The following RAB6A variants were observed in gnomAD, a reference collection of about 807,000 sequenced individuals.
RAB6A encodes the protein RAB6A, member RAS oncogene family, also known as ras-related protein Rab-6A.
A neutral mutation model predicts 32.3 loss-of-function variants in RAB6A; 8 were observed. The observed-to-expected ratio is 0.25, with a 90% CI of 0.15 to 0.45. The LOEUF is 0.45. RAB6A is among the 20% of genes least tolerant of loss of function. The pLI is 1.00. For missense variants in RAB6A, 104 were observed against 249.4 expected, an observed-to-expected ratio of 0.42 and a Z score of 3.93; for synonymous variants, 73 against 82.1, an observed-to-expected ratio of 0.89 and a Z score of 0.60.
intron 1 of RAB6A, among the ~76,000 whole-genome samples, chr11:73,733,768 A>C (rs1325799498): frequency 1.3e-5 from 2 of 152,030 alleles, no homozygotes; most frequent in African/African-American, 4.8e-5. Context: ...TGGTAGAATT[A>C]ATGCTGATAG....
At chr11:73,727,751 C>T (rs930502818) in intron 2 of RAB6A, among the ~76,000 whole-genome samples, 2 of 152,024 alleles carry the variant, frequency 1.3e-5, no homozygotes, top group African/African-American at 2.4e-5. Context: ...TTTAAGATTA[C>T]CCTAAAAAGG....
intron 6 of RAB6A, among the ~76,000 whole-genome samples, chr11:73,693,154 G>A (rs904466860): frequency 5.9e-5 from 9 of 152,124 alleles, no homozygotes; most frequent in African/African-American, 2.2e-4. Context: ...CATGCGTGGT[G>A]GCACACGCCT....
chr11:73,709,860 C>CATAT (rs71065027), intron 5 of RAB6A, among the ~76,000 whole-genome samples: 6 of 146,412 alleles, frequency 4.1e-5, no homozygotes, highest in Admixed American at 1.4e-4. Context: ...TACATATATA[C>CATAT]ATATATACAC....
At chr11:73,704,199 T>C (rs1482974440) in intron 6 of RAB6A, 1 of 438,112 alleles carries the variant, frequency 2.3e-6, no homozygotes, top group Non-Finnish European at 4.6e-6. Context: ...CTGGGCAACA[T>C]GGCAAGAACC....
At chr11:73,754,661 G>A (rs887860236) in intron 1 of RAB6A, among the ~76,000 whole-genome samples, 1 of 152,180 alleles carries the variant, frequency 6.6e-6, no homozygotes, top group Admixed American at 6.5e-5. Context: ...GCTCATGCCT[G>A]TAATCCCAGC....
At chr11:73,700,609 T>TGGGG (rs59223959) in intron 6 of RAB6A, among the ~76,000 whole-genome samples, 2 of 28,620 alleles carry the variant, frequency 7.0e-5, no homozygotes, top group Non-Finnish European at 5.3e-5. Flanking sequence ...AGTGTGTGTG[T>TGGGG]GGGGGGGGGG....
At chr11:73,721,549 A>G (rs1946133226) in intron 2 of RAB6A, among the ~76,000 whole-genome samples, 1 of 152,214 alleles carries the variant, frequency 6.6e-6, no homozygotes, top group African/African-American at 2.4e-5. Flanking sequence ...AGAGAATAGA[A>G]AGAAGGCAGA....
intron 6 of RAB6A, among the ~76,000 whole-genome samples, chr11:73,705,548 A>T (rs1418139112): frequency 6.6e-6 from 1 of 152,166 alleles, no homozygotes; most frequent in Admixed American, 6.5e-5. Flanking sequence ...CCCTGTCTCA[A>T]ATAAAAAAAT....
In RAB6A at chr11:73,743,419, G is replaced by A. The variant is rs80033915; in HGVS notation, c.71-12596C>T. 8.2e-4 allele frequency among the ~76,000 whole-genome samples: 124 copies of A among 152,102 alleles called. 2 individuals are homozygous for A. In the East Asian group the frequency reaches 0.021, roughly 25 times the overall value. Reference sequence around the variant, plus strand: ...AACATTGCAGGGGTCCCCAGTATCCGTAAGATAATGTTAAACTTTTAGCAG... The same window carrying A: ...AACATTGCAGGGGTCCCCAGTATCCATAAGATAATGTTAAACTTTTAGCAG... On this transcript the variant is annotated intron_variant, in intron 1 of 7. Coordinates refer to ENST00000336083, the MANE Select transcript of RAB6A (RefSeq NM_198896.2).
At chr11:73,682,016 T>C (rs1000210264) in intron 6 of RAB6A, among the ~76,000 whole-genome samples, 1 of 152,174 alleles carries the variant, frequency 6.6e-6, no homozygotes, top group African/African-American at 2.4e-5. Flanking sequence ...AGACTTTGAA[T>C]TGCGGAACAC....
intron 2 of RAB6A, among the ~76,000 whole-genome samples, chr11:73,725,647 T>C (rs187522966): frequency 6.6e-6 from 1 of 152,124 alleles, no homozygotes; most frequent in Admixed American, 6.5e-5. Context: ...ACGAGAACAG[T>C]ATGTGGGAAA....
intron 1 of RAB6A, among the ~76,000 whole-genome samples, chr11:73,742,102 T>G (rs1418365500): frequency 6.6e-6 from 1 of 151,354 alleles, no homozygotes; most frequent in Non-Finnish European, 1.5e-5. Context: ...GTCAATATGG[T>G]GAAACCCTGT....
At chr11:73,690,659 G>C (rs1945537885) in intron 6 of RAB6A, among the ~76,000 whole-genome samples, 1 of 149,678 alleles carries the variant, frequency 6.7e-6, no homozygotes, top group African/African-American at 2.5e-5. Context: ...ACACCGGAGG[G>C]TGGTAACTTG....
intron 1 of RAB6A, chr11:73,760,006 G>A (rs1399019761): frequency 6.2e-6 from 8 of 1,285,294 alleles, no homozygotes; most frequent in Non-Finnish European, 8.1e-6. Flanking sequence ...TTCCCACCCA[G>A]GTGAAAATCA....
intron 2 of RAB6A, among the ~76,000 whole-genome samples, chr11:73,723,624 T>C (rs1025544680): frequency 7.2e-5 from 11 of 152,172 alleles, no homozygotes; most frequent in African/African-American, 2.4e-4. Flanking sequence ...CCACTGCGCC[T>C]GGCCGAAAGA....
At chr11:73,697,246 C>T (rs1945668565) in intron 6 of RAB6A, among the ~76,000 whole-genome samples, 1 of 152,176 alleles carries the variant, frequency 6.6e-6, no homozygotes, top group African/African-American at 2.4e-5. Context: ...CAGGCTTTCC[C>T]TCCTTTTATA....
At chr11:73,712,864 T>C (rs2134933952) in intron 5 of RAB6A, among the ~76,000 whole-genome samples, 1 of 151,472 alleles carries the variant, frequency 6.6e-6, no homozygotes, top group East Asian at 2.0e-4. Flanking sequence ...ATTACAGGCA[T>C]GTGCCACTTC....
intron 1 of RAB6A, among the ~76,000 whole-genome samples, chr11:73,745,759 G>A (rs1946578048): frequency 6.6e-6 from 1 of 152,104 alleles, no homozygotes; most frequent in African/African-American, 2.4e-5. Flanking sequence ...TCGAACCCGG[G>A]AGGCAGAAGT....
intron 1 of RAB6A, among the ~76,000 whole-genome samples, chr11:73,759,411 T>G (rs1006998465): frequency 6.6e-6 from 1 of 151,970 alleles, no homozygotes; most frequent in African/African-American, 2.4e-5. Flanking sequence ...AAAAGTACAG[T>G]GACAGCAGAA....
Sources: allele counts gnomAD v4.1 joint callset (sites outside exome capture counted in the v4.1 genomes callset), GRCh38; gene constraint gnomAD v4.1.1; transcripts MANE v1.5; gene names NCBI Gene and HGNC (gene_info 2026-07-23, HGNC 2026-07-21).